Variants in TRIM37 observed in about 807,000 individuals in gnomAD.
TRIM37 encodes tripartite motif containing 37, also known as E3 ubiquitin-protein ligase TRIM37.
A neutral mutation model predicts 129.8 loss-of-function variants in TRIM37; 80 were observed. The observed-to-expected ratio is 0.62, with a 90% CI of 0.51 to 0.74. The LOEUF (loss-of-function observed/expected upper bound fraction) is 0.74, where lower values mean the gene tolerates loss of function less well. TRIM37 is among the 30% of genes least tolerant of loss of function. TRIM37 has a pLI of 0.00. For synonymous variants in TRIM37, 389 were observed against 387.1 expected (o/e 1.00, Z -0.06); for missense variants, 1,054 against 1,176.5 (o/e 0.90, Z 1.52).
chr17:59,017,408 A>C lies in TRIM37; in HGVS notation c.2274T>G (p.Ser758Arg). Residue 758 changes from serine (S) to arginine (R), a missense_variant, in exon 20 of 24, where the codon AGT becomes AGG. This residue lies in a region of TRIM37 where 287 missense variants were observed against 274.3 expected (regional missense o/e 1.05). Transcript: ENST00000262294. ...TGGATCGAGCTGGCTTGGGCGAATTACTCTTCTTATTTGTGGCTGCAAAGA... is the reference window on the plus strand; with the variant it reads ...TGGATCGAGCTGGCTTGGGCGAATTCCTCTTCTTATTTGTGGCTGCAAAGA... ...CYIRNSTNKK[S>R]NSPKPARSSV... 6.2e-7 allele frequency: 1 copy of C among 1,613,834 alleles called. No individual in the cohort carries two copies. Among genetic ancestry groups the C allele is most frequent in the South Asian group, 1.1e-5 (1 of 91,070 alleles).
chr17:58,999,134 G>T lies in TRIM37; in HGVS notation c.*243C>A. 7.6e-7 allele frequency: 1 copy of T among 1,318,142 alleles called. No individual in the cohort carries two copies. The allele number at this position is 1,318,142 out of a possible 1,614,324, so 81.7% of individuals were successfully genotyped here. On this transcript the variant is annotated 3_prime_UTR_variant, in exon 24 of 24. Transcript: ENST00000262294. ...AATGTACAAATTTGCTAAATTAATAGAGAACTACATTGTTATTTCCTTACA... is the reference window on the plus strand; with the variant it reads ...AATGTACAAATTTGCTAAATTAATATAGAACTACATTGTTATTTCCTTACA...
In TRIM37 at chr17:59,003,510, G is replaced by A. The variant is rs551290349; in HGVS notation, c.2696-1796C>T. On this transcript the variant is annotated intron_variant, in intron 22 of 23. Coordinates refer to ENST00000262294, the MANE Select transcript of TRIM37 (RefSeq NM_015294.6). ...ACTGAAAGTAGCAATAAAACCTGGAGAGATGGGTAGTGTAGTTATTTAAGG... is the reference window on the plus strand; with the variant it reads ...ACTGAAAGTAGCAATAAAACCTGGAAAGATGGGTAGTGTAGTTATTTAAGG... Among the ~76,000 whole-genome samples, 17 of 152,180 alleles carry A rather than the reference G, an allele frequency of 1.1e-4. No individual in the cohort carries two copies. In the South Asian group the frequency reaches 3.1e-3, roughly 28 times the overall value.
At chr17:59,046,549 T>C (rs1257435394) in intron 16 of TRIM37, among the ~76,000 whole-genome samples, 1 of 101,226 alleles carries the variant, frequency 9.9e-6, no homozygotes, top group Non-Finnish European at 1.9e-5. Context: ...AGTTTTTTTT[T>C]TTTTTTGAGA....
rs142116201 is a variant in TRIM37 at position 58,987,405 on chromosome 17, C to T, written c.2892-4484G>A. ...ATGCACACCAGGAGACACTGACTGA[C>T]CTGAAGGTCTCGGGCAAGGACTCTG... is the stretch of plus-strand genomic sequence containing the variant. On this transcript the variant is annotated intron_variant, in intron 24 of 24. Transcript: ENST00000393066. Among the ~76,000 whole-genome samples the T allele has an allele frequency of 5.8e-3, 882 of 152,162 alleles. 5 individuals carry two copies. Among genetic ancestry groups the T allele is most frequent in the African/African-American group, 9.4e-3 (390 of 41,506 alleles).
chr17:59,042,441 AAAAAAAAAATATATATATAT>A (rs987749483), intron 16 of TRIM37, among the ~76,000 whole-genome samples: 3 of 84,438 alleles, frequency 3.6e-5, no homozygotes, highest in African/African-American at 1.8e-4. Flanking sequence ...TAAAAAAAAA[AAAAAAAAAATATATATATAT>A]ATATATATAT....
At chr17:59,003,282 GA>G (rs1425762374) in intron 22 of TRIM37, among the ~76,000 whole-genome samples, 1 of 152,118 alleles carries the variant, frequency 6.6e-6, no homozygotes, top group East Asian at 1.9e-4. Flanking sequence ...TGAAGAGGGG[GA>G]AAAAAGTCTT....
At chr17:59,106,237 C>T (rs2045976649) in intron 1 of TRIM37, among the ~76,000 whole-genome samples, 5 of 152,218 alleles carry the variant, frequency 3.3e-5, no homozygotes, top group South Asian at 4.1e-4. Flanking sequence ...ATACGCACCA[C>T]CTGACTGCGG....
chr17:59,100,590 A>G (rs1046924248), intron 2 of TRIM37, among the ~76,000 whole-genome samples: 4 of 152,202 alleles, frequency 2.6e-5, no homozygotes, highest in African/African-American at 9.7e-5. Flanking sequence ...ATCGTGACAG[A>G]AAGCAGATCA....
At chr17:59,100,842 G>A (rs911874667) in intron 2 of TRIM37, among the ~76,000 whole-genome samples, 6 of 151,980 alleles carry the variant, frequency 3.9e-5, no homozygotes, top group Non-Finnish European at 7.4e-5. Context: ...GACCAACATG[G>A]TGAAACCCTG....
chr17:59,036,184 G>A (rs754732614), intron 17 of TRIM37, among the ~76,000 whole-genome samples: 1 of 152,082 alleles, frequency 6.6e-6, no homozygotes, highest in Non-Finnish European at 1.5e-5. Context: ...GAGGCAGGAG[G>A]ACTAATTGAG....
intron 2 of TRIM37, among the ~76,000 whole-genome samples, chr17:59,101,171 T>C (rs1214757995): frequency 6.6e-6 from 1 of 152,066 alleles, no homozygotes; most frequent in Non-Finnish European, 1.5e-5. Context: ...AATGAACAAA[T>C]GATTAGTGCA....
Position 58,984,328 on chromosome 17 carries a change from G to A in TRIM37, c.2892-1407C>T, listed in dbSNP as rs928217717. ...GTGCCAGTGAGAAGTGCAACATCCAGTGGGCAGATGAAAATGATGCATGGC... is the reference window on the plus strand; with the variant it reads ...GTGCCAGTGAGAAGTGCAACATCCAATGGGCAGATGAAAATGATGCATGGC... On this transcript the variant is annotated intron_variant, in intron 24 of 24. Coordinates refer to the TRIM37 transcript ENST00000393066. 2.0e-5 allele frequency: 3 copies of A among 152,652 alleles called. No individual in the cohort carries two copies. In the East Asian group the frequency reaches 5.8e-4, roughly 29 times the overall value. 9.5% of individuals were successfully genotyped at this position (152,652 alleles called of 1,614,324 possible).
rs146525439 is a variant in TRIM37, at chr17:59,105,251, C to T, written c.22-857G>A. Among the ~76,000 whole-genome samples the T allele has an allele frequency of 2.0e-4, 30 of 152,274 alleles. 1 individual carries two copies. The highest frequency in any genetic ancestry group is 3.4e-3 in the Middle Eastern group (1 of 294). On this transcript the variant is annotated intron_variant, in intron 1 of 23. Transcript: ENST00000262294. ...AAAGACACATCCTAAAGGCAGTGTACTGTGACCCAGAAAAAAATGAATTCA... is the reference window on the plus strand; with the variant it reads ...AAAGACACATCCTAAAGGCAGTGTATTGTGACCCAGAAAAAAATGAATTCA...
intron 2 of TRIM37, among the ~76,000 whole-genome samples, chr17:59,099,763 C>T (rs1008017952): frequency 6.6e-6 from 1 of 152,176 alleles, no homozygotes; most frequent in African/African-American, 2.4e-5. Flanking sequence ...AATTGGAACT[C>T]TCATAAACTT....
downstream of TRIM37, chr17:58,980,694 G>A (rs183396449): frequency 1.2e-6 from 2 of 1,614,208 alleles, no homozygotes; most frequent in East Asian, 2.2e-5. This position sits in a 1 kb window ranked among gnomAD's most constrained non-coding sequence, Gnocchi z 4.7. Flanking sequence ...AGAATGCAGA[G>A]CTTGTCTCCT....
intron 21 of TRIM37, among the ~76,000 whole-genome samples, chr17:59,014,952 T>C (rs1224401404): frequency 1.3e-5 from 2 of 149,442 alleles, no homozygotes; most frequent in Non-Finnish European, 3.0e-5. Context: ...GGTGGGCGCC[T>C]GTAGTCCTGG....
intron 19 of TRIM37, among the ~76,000 whole-genome samples, chr17:59,025,356 C>A (rs1598969997): frequency 2.7e-5 from 4 of 150,038 alleles, no homozygotes; most frequent in South Asian, 2.1e-4. Context: ...AAAATAAGAC[C>A]CATGAATATT....
At chr17:59,065,081 T>C (rs2041822479) in intron 9 of TRIM37, among the ~76,000 whole-genome samples, 1 of 152,036 alleles carries the variant, frequency 6.6e-6, no homozygotes, top group African/African-American at 2.4e-5. Flanking sequence ...AATAAATACT[T>C]TATAAAAGCT....
chr17:58,990,107 G>A (rs2032214208), intron 24 of TRIM37, among the ~76,000 whole-genome samples: 1 of 147,784 alleles, frequency 6.8e-6, no homozygotes, highest in Non-Finnish European at 1.5e-5. Context: ...GAGCCCAGGA[G>A]GGTTGAGGCT....
Sources: gnomAD v4.1 joint callset for allele counts (sites outside exome capture counted in the v4.1 genomes callset) on GRCh38, gnomAD v4.1.1 for gene constraint, gnomAD v4.1.1 regional missense constraint, Gnocchi (gnomAD v3.1) non-coding constraint, MANE v1.5 for transcripts, NCBI Gene and HGNC (gene_info 2026-07-23, HGNC 2026-07-21) for gene names.